SYT16: variants seen among roughly 807,000 people sequenced by gnomAD.
SYT16 encodes synaptotagmin 16.
Under a neutral mutation model 61.4 loss-of-function variants are expected in SYT16, and 42 were observed. The observed-to-expected ratio is 0.68, with a 90% CI of 0.53 to 0.89. The LOEUF (loss-of-function observed/expected upper bound fraction) is 0.89. SYT16 is among the 40% of genes least tolerant of loss of function. The pLI, the probability that SYT16 is intolerant of heterozygous loss-of-function variation, is 0.00. For missense variants in SYT16, 804 were observed against 807.3 expected (o/e 1.00, Z 0.05); for synonymous variants, 314 against 302.3 (o/e 1.04, Z -0.40).
intron 1 of SYT16, among the ~76,000 whole-genome samples, chr14:61,913,009 G>A (rs1266420373): frequency 6.6e-6 from 1 of 151,766 alleles, no homozygotes; most frequent in African/African-American, 2.4e-5. Context: ...TGGAGTCTTG[G>A]TCCTTCTTCA....
In SYT16 at chr14:61,915,346, G is replaced by A. The variant is rs987650259; in HGVS notation, c.-324-54786G>A. Among the ~76,000 whole-genome samples, 9 of 152,100 alleles carry A rather than the reference G, an allele frequency of 5.9e-5. 1 individual carries two copies. The highest frequency in any genetic ancestry group is 4.1e-4 in the South Asian group (2 of 4,820). The stretch of plus-strand genomic sequence containing the variant: ...AACAGCACACACATACATTTAATTC[G>A]TGTAATATGTAATATAGATGTATGC... On this transcript the variant is annotated intron_variant, in intron 1 of 7. Transcript: ENST00000683842.
intron 3 of SYT16, among the ~76,000 whole-genome samples, chr14:62,005,342 T>A (rs751250900): frequency 6.6e-6 from 1 of 152,130 alleles, no homozygotes; most frequent in African/African-American, 2.4e-5. Flanking sequence ...GTTGCCAGCT[T>A]CTTCAGCTTC....
intron 3 of SYT16, among the ~76,000 whole-genome samples, chr14:62,037,543 G>T (rs1315120190): frequency 6.6e-6 from 1 of 152,062 alleles, no homozygotes; most frequent in African/African-American, 2.4e-5. Flanking sequence ...TGTTTTTCTT[G>T]TCGTTAAGAT....
intron 1 of SYT16, among the ~76,000 whole-genome samples, chr14:61,939,044 A>G (rs1594959742): frequency 6.6e-6 from 1 of 152,216 alleles, no homozygotes; most frequent in Non-Finnish European, 1.5e-5. Flanking sequence ...CTGAGGCAGG[A>G]GAATTGCTTG....
At position 62,106,774 on chromosome 14, in the gene SYT16, A is replaced by G. The variant is rs1224295715; in HGVS notation, c.*6067A>G. On this transcript the variant is annotated 3_prime_UTR_variant, in exon 8 of 8. Transcript: ENST00000683842. ...TTTGTTTCCCTTGGGTCACAAAACC[A>G]TATCCTAGACACACAGACAATAATC... 2 of 152,108 alleles carry G rather than the reference A, an allele frequency of 1.3e-5. No homozygotes were observed. Among genetic ancestry groups the G allele is most frequent in the Non-Finnish European group, 2.9e-5 (2 of 68,036 alleles). 9.4% of individuals were successfully genotyped at this position (152,108 alleles called of 1,614,324 possible).
intron 2 of SYT16, among the ~76,000 whole-genome samples, chr14:61,989,820 G>C (rs1183757688): frequency 2.0e-5 from 3 of 152,094 alleles, no homozygotes; most frequent in African/African-American, 7.2e-5. Flanking sequence ...TGTGTCTAAT[G>C]ATGAAAGCAT....
intron 3 of SYT16, among the ~76,000 whole-genome samples, chr14:62,051,126 G>T (rs1408782283): frequency 1.3e-5 from 2 of 152,224 alleles, no homozygotes; most frequent in African/African-American, 4.8e-5. Context: ...CACCCAGTTC[G>T]AGCTTCCCGG....
At chr14:61,824,627 C>G (rs2045719725) in intron 1 of SYT16, among the ~76,000 whole-genome samples, 1 of 152,208 alleles carries the variant, frequency 6.6e-6, no homozygotes, top group Non-Finnish European at 1.5e-5. Flanking sequence ...GCTGGGATTA[C>G]AGGCGTGAGC....
intron 3 of SYT16, among the ~76,000 whole-genome samples, chr14:62,014,428 C>T (rs940283896): frequency 2.0e-5 from 3 of 151,790 alleles, no homozygotes; most frequent in Non-Finnish European, 4.4e-5. Context: ...CTTATCCCTA[C>T]TACCTTAATT....
chr14:61,888,554 ATG>A (rs1449758132), intron 1 of SYT16, among the ~76,000 whole-genome samples: 1 of 152,244 alleles, frequency 6.6e-6, no homozygotes, highest in Non-Finnish European at 1.5e-5. Flanking sequence ...ACTGTCTTAT[ATG>A]GGTGCAGTTT....
intron 1 of SYT16, among the ~76,000 whole-genome samples, chr14:61,887,242 AAC>A (rs2047943664): frequency 6.6e-6 from 1 of 152,196 alleles, no homozygotes; most frequent in Non-Finnish European, 1.5e-5. Context: ...AGTAGATCTC[AAC>A]ACTGGGCTTA....
chr14:62,101,611 T>C lies in SYT16; in HGVS notation c.*904T>C, dbSNP rs954896197. 1 of 152,214 alleles carries C rather than the reference T, an allele frequency of 6.6e-6. No individual in the cohort carries two copies. The highest frequency in any genetic ancestry group is 2.4e-5 in the African/African-American group (1 of 41,454). 9.4% of individuals were successfully genotyped at this position (152,214 alleles called of 1,614,324 possible). ...ATATGAATATTTTGAATGTACTGCA[T>C]GTAAACCATGCTCTTTTTAAACTGA... On this transcript the variant is annotated 3_prime_UTR_variant, in exon 8 of 8. Transcript: ENST00000683842.
At chr14:61,851,672 C>A (rs2046625232) in intron 1 of SYT16, among the ~76,000 whole-genome samples, 1 of 152,146 alleles carries the variant, frequency 6.6e-6, no homozygotes, top group African/African-American at 2.4e-5. Context: ...TGATGTTGAG[C>A]TTTGTTTCAT....
Position 61,996,352 on chromosome 14 carries a change from A to G in SYT16, c.333A>G (p.Gln111=), listed in dbSNP as rs374422747. The G allele has an allele frequency of 3.7e-6, 6 of 1,613,408 alleles. No individual in the cohort carries two copies. Among genetic ancestry groups the G allele is most frequent in the African/African-American group, 2.7e-5 (2 of 74,910 alleles). ...AAAATTCAAGCCCAAGCCTTAGCCA[A>G]CATGCAAAGGACTCATGTTCCACAA... ...SAQNSSPSLS[Q]HAKDSCSTMS... The change falls in exon 3 of 8, where the codon CAA becomes CAG. Residue 111 remains glutamine (Q), a synonymous_variant. Coordinates refer to ENST00000683842, the MANE Select transcript of SYT16 (RefSeq NM_001367656.1).
chr14:61,956,426 A>G (rs899343016), intron 1 of SYT16, among the ~76,000 whole-genome samples: 5 of 151,932 alleles, frequency 3.3e-5, no homozygotes, highest in African/African-American at 1.2e-4. Flanking sequence ...TAAAAGTGTT[A>G]TTGTTTCAGG....
intron 3 of SYT16, among the ~76,000 whole-genome samples, chr14:62,051,017 C>A (rs988036475): frequency 6.6e-6 from 1 of 152,210 alleles, no homozygotes; most frequent in East Asian, 1.9e-4. Flanking sequence ...GGGACATTTA[C>A]GTCTGTAGAG....
At chr14:61,855,404 C>T (rs1053714125) in intron 1 of SYT16, among the ~76,000 whole-genome samples, 3 of 152,174 alleles carry the variant, frequency 2.0e-5, no homozygotes, top group African/African-American at 4.8e-5. Context: ...ACATAACCTG[C>T]CAAACATCAT....
At chr14:61,892,186 CCTCGCATCTTT>C (rs1308025919) in intron 1 of SYT16, among the ~76,000 whole-genome samples, 3 of 152,070 alleles carry the variant, frequency 2.0e-5, no homozygotes, top group Admixed American at 2.0e-4. Flanking sequence ...CTCGCTTCTT[CCTCGCATCTTT>C]CCCCTGACCC....
At chr14:62,071,647 A>AT (rs1030842523) in intron 4 of SYT16, among the ~76,000 whole-genome samples, 2 of 152,084 alleles carry the variant, frequency 1.3e-5, no homozygotes, top group Non-Finnish European at 1.5e-5. Flanking sequence ...ATATCAGTGG[A>AT]TTTTTTTCAG....
Sources: gnomAD v4.1 joint callset for allele counts (sites outside exome capture counted in the v4.1 genomes callset) on GRCh38, gnomAD v4.1.1 for gene constraint, MANE v1.5 for transcripts, NCBI Gene and HGNC (gene_info 2026-07-23, HGNC 2026-07-21) for gene names.